The following R3HDM2 variants were observed in gnomAD, a reference collection of about 807,000 sequenced individuals.
The protein encoded by R3HDM2 is R3H domain containing 2.
R3HDM2 carries 38 observed loss-of-function variants against 124.5 expected under a neutral mutation model. The observed-to-expected ratio is 0.31, with a 90% CI of 0.24 to 0.40. The LOEUF (loss-of-function observed/expected upper bound fraction) is 0.40, where lower values mean the gene tolerates loss of function less well. Among genes scored for constraint, R3HDM2 ranks in the 10% least tolerant of loss-of-function variants. R3HDM2 has a pLI of 1.00. For missense variants in R3HDM2, 869 were observed against 1,236.9 expected, an observed-to-expected ratio of 0.70 and a Z score of 4.46; for synonymous variants, 391 against 448.0, an observed-to-expected ratio of 0.87 and a Z score of 1.61.
intron 2 of R3HDM2, among the ~76,000 whole-genome samples, chr12:57,324,486 A>T (rs2056977467): frequency 6.6e-6 from 1 of 152,188 alleles, no homozygotes; most frequent in Non-Finnish European, 1.5e-5. Context: ...CCTGGCTGAC[A>T]ATCTTTCAAA....
intron 10 of R3HDM2, among the ~76,000 whole-genome samples, chr12:57,293,094 G>A (rs1021461839): frequency 9.8e-5 from 15 of 152,306 alleles, no homozygotes; most frequent in African/African-American, 3.6e-4. Flanking sequence ...CTGAACAGTA[G>A]AGGAGGAGGT....
intron 2 of R3HDM2, among the ~76,000 whole-genome samples, chr12:57,386,267 G>A (rs1316832936): frequency 2.0e-5 from 3 of 152,172 alleles, no homozygotes; most frequent in Non-Finnish European, 4.4e-5. Context: ...TCCTGGGCTC[G>A]CCGAGGCGGG....
At chr12:57,288,710 G>A in intron 12 of R3HDM2, 1 of 688,406 alleles carries the variant, frequency 1.5e-6, no homozygotes, top group African/African-American at 1.8e-5. Flanking sequence ...TTTTAAATGG[G>A]GAAAAATATC....
intron 13 of R3HDM2, among the ~76,000 whole-genome samples, chr12:57,283,529 A>C (rs1293209242): frequency 6.6e-6 from 1 of 152,198 alleles, no homozygotes; most frequent in Non-Finnish European, 1.5e-5. Flanking sequence ...ACCTCAGGTC[A>C]GGAGTTTGAG....
chr12:57,399,532 C>G (rs770720279), intron 1 of R3HDM2, among the ~76,000 whole-genome samples: 3 of 152,222 alleles, frequency 2.0e-5, no homozygotes, highest in Admixed American at 1.3e-4. Context: ...AATGCCACCT[C>G]TTAGTTCCTA....
At position 57,254,532 on chromosome 12, in the gene R3HDM2, A is replaced by T; in HGVS notation, c.*241T>A. ...AAAAAAAAAAAAAAAAAAGAAGAGGATGGGAAGAAGAGTGATGCAAGGGGG... is the reference window on the plus strand; with the variant it reads ...AAAAAAAAAAAAAAAAAAGAAGAGGTTGGGAAGAAGAGTGATGCAAGGGGG... On this transcript the variant is annotated 3_prime_UTR_variant, in exon 24 of 24. Transcript: ENST00000402412. 2 of 411,240 alleles carry T rather than the reference A, an allele frequency of 4.9e-6. No individual in the cohort carries two copies. Among genetic ancestry groups the T allele is most frequent in the Non-Finnish European group, 8.6e-6 (2 of 232,830 alleles). 25.5% of individuals were successfully genotyped at this position (411,240 alleles called of 1,614,324 possible).
intron 2 of R3HDM2, among the ~76,000 whole-genome samples, chr12:57,340,078 A>C (rs2059373393): frequency 6.6e-6 from 1 of 152,238 alleles, no homozygotes; most frequent in Non-Finnish European, 1.5e-5. Context: ...AGGCACTCCC[A>C]GTTGAAATAA....
chr12:57,295,682 T>C (rs1200790273), intron 9 of R3HDM2, 175 bp from the exon 10 acceptor site: 2 of 576,418 alleles, frequency 3.5e-6, no homozygotes, highest in Non-Finnish European at 6.2e-6. Flanking sequence ...GTCTGTACTT[T>C]ATACATCTAT....
chr12:57,345,134 TAAAAAAATTTCCTTATTGGGGG>T (rs1332360443), intron 2 of R3HDM2, among the ~76,000 whole-genome samples: 1 of 151,024 alleles, frequency 6.6e-6, no homozygotes, highest in Admixed American at 6.6e-5. Flanking sequence ...GCAACTGGCC[TAAAAAAATTTCCTTATTGGGGG>T]AAAAAAAAAC....
intron 2 of R3HDM2, among the ~76,000 whole-genome samples, chr12:57,333,554 T>C (rs1327917260): frequency 6.6e-6 from 1 of 151,246 alleles, no homozygotes; most frequent in Non-Finnish European, 1.5e-5. Flanking sequence ...TAGCCAGGCA[T>C]GGTGGCAGGC....
chr12:57,368,176 G>A (rs1487644479), intron 2 of R3HDM2, among the ~76,000 whole-genome samples: 1 of 151,740 alleles, frequency 6.6e-6, no homozygotes, highest in East Asian at 1.9e-4. Context: ...TCAGGTGCCT[G>A]GAAGCTCTAT....
intron 2 of R3HDM2, among the ~76,000 whole-genome samples, chr12:57,333,744 A>G (rs1157296769): frequency 6.6e-6 from 1 of 151,568 alleles, no homozygotes; most frequent in Non-Finnish European, 1.5e-5. Context: ...GGGAGGAAGG[A>G]AGGAAGAAAG....
chr12:57,310,822 T>C (rs1182590709), intron 2 of R3HDM2, among the ~76,000 whole-genome samples: 1 of 152,194 alleles, frequency 6.6e-6, no homozygotes, highest in Non-Finnish European at 1.5e-5. Context: ...ACTACTGATC[T>C]GTTCTGTCAC....
intron 19 of R3HDM2, among the ~76,000 whole-genome samples, chr12:57,262,292 G>A (rs949078901): frequency 1.3e-5 from 2 of 152,164 alleles, no homozygotes; most frequent in Non-Finnish European, 2.9e-5. Context: ...AAATATGTGA[G>A]AGGCTATTTC....
At chr12:57,316,879 C>T (rs754060336) in intron 2 of R3HDM2, among the ~76,000 whole-genome samples, 16 of 151,248 alleles carry the variant, frequency 1.1e-4, no homozygotes, top group Admixed American at 2.0e-4. Flanking sequence ...CCTGAGTAGC[C>T]GGGATTACAG....
intron 2 of R3HDM2, among the ~76,000 whole-genome samples, chr12:57,324,516 A>G (rs1041524856): frequency 6.6e-6 from 1 of 152,186 alleles, no homozygotes; most frequent in South Asian, 2.1e-4. Flanking sequence ...CAAATGTGAG[A>G]TTGGCCAGAG....
chr12:57,259,823 T>C (rs2040200254), intron 19 of R3HDM2, among the ~76,000 whole-genome samples: 2 of 152,156 alleles, frequency 1.3e-5, no homozygotes, highest in Admixed American at 1.3e-4. Flanking sequence ...AAACAAATAG[T>C]TGGTGTCAGA....
chr12:57,389,009 T>C (rs2066288288), intron 2 of R3HDM2, among the ~76,000 whole-genome samples: 1 of 152,152 alleles, frequency 6.6e-6, no homozygotes, highest in Non-Finnish European at 1.5e-5. Flanking sequence ...ATATAATACT[T>C]TTTTTCTTAT....
At chr12:57,358,580 A>T (rs1356522963) in intron 2 of R3HDM2, among the ~76,000 whole-genome samples, 1 of 151,278 alleles carries the variant, frequency 6.6e-6, no homozygotes, top group Non-Finnish European at 1.5e-5. Flanking sequence ...GAAGGTGGAG[A>T]GTGCAGTGAG....
Sources: allele counts gnomAD v4.1 joint callset (sites outside exome capture counted in the v4.1 genomes callset), GRCh38; gene constraint gnomAD v4.1.1; transcripts MANE v1.5; gene names NCBI Gene and HGNC (gene_info 2026-07-23, HGNC 2026-07-21).